SLC19A1: variants seen among roughly 807,000 people sequenced by gnomAD.
The protein encoded by SLC19A1 is solute carrier family 19 member 1.
SLC19A1 carries 37 observed loss-of-function variants against 35.3 expected under a neutral mutation model. The observed-to-expected ratio is 1.05, with a 90% confidence interval of 0.81 to 1.38. The LOEUF is 1.38. Ranked by LOEUF, SLC19A1 falls within the 40% of genes most tolerant of loss-of-function variation. The probability of loss-of-function intolerance (pLI) is 0.00; values close to 1 mark genes in which losing one functional copy is unlikely to be tolerated. For missense variants in SLC19A1, 831 were observed against 826.9 expected, an observed-to-expected ratio of 1.00 and a Z score of -0.06; for synonymous variants, 460 against 398.5, an observed-to-expected ratio of 1.15 and a Z score of -1.84.
intron 3 of SLC19A1, chr21:45,505,994 A>C (rs1459995225): frequency 6.2e-7 from 1 of 1,612,674 alleles, no homozygotes; most frequent in Non-Finnish European, 8.5e-7. Flanking sequence ...CGGGTTCTGG[A>C]CCCGTGGAAG....
chr21:45,552,993 A>G (rs922627320), intron 1 of SLC19A1, among the ~76,000 whole-genome samples: 1 of 151,948 alleles, frequency 6.6e-6, no homozygotes, highest in Non-Finnish European at 1.5e-5. Context: ...TTTACACAAG[A>G]CCTCGCGCAA....
In SLC19A1 at chr21:45,517,306, G is replaced by A. The variant is rs2038005924; in HGVS notation, c.1294-1166C>T. Among the ~76,000 whole-genome samples, 2 of 152,108 alleles carry A rather than the reference G, an allele frequency of 1.3e-5. No homozygotes were observed. Among genetic ancestry groups the A allele is most frequent in the African/African-American group, 2.4e-5 (1 of 41,390 alleles). On this transcript the variant is annotated intron_variant, in intron 5 of 5. Coordinates refer to ENST00000311124, the MANE Select transcript of SLC19A1 (RefSeq NM_194255.4). The surrounding 1 kb of genome is among the most constrained non-coding windows in gnomAD (Gnocchi z 4.4). ...GAGGAAAGACCTTTCGACAGGAATC[G>A]CCCTGCTCCCCGCAAACACCAGACC... is the stretch of plus-strand genomic sequence containing the variant.
rs917302296 is a variant in SLC19A1 at position 45,540,053 on chromosome 21, C to T, written c.-49-2045G>A. 6.6e-6 allele frequency among the ~76,000 whole-genome samples: 1 copy of T among 152,148 alleles called. No homozygotes were observed. The highest frequency in any genetic ancestry group is 2.4e-5 in the African/African-American group (1 of 41,426). On this transcript the variant is annotated intron_variant, in intron 1 of 5. Coordinates refer to ENST00000311124, the MANE Select transcript of SLC19A1 (RefSeq NM_194255.4). The surrounding 1 kb of genome is among the most constrained non-coding windows in gnomAD (Gnocchi z 5.5). ...CAGATCTGACGGTCGCCTGCCTCGG[C>T]CTCACCTTCCATGCCTCCTCAGGGC...
chr21:45,514,907 C>A lies in SLC19A1; in HGVS notation c.*751G>T. 1 of 1,246,596 alleles carries A rather than the reference C, an allele frequency of 8.0e-7. No homozygotes were observed. The allele number at this position is 1,246,596 out of a possible 1,614,324, so 77.2% of individuals were successfully genotyped here. On this transcript the variant is annotated 3_prime_UTR_variant, in exon 6 of 6. Transcript: ENST00000311124. ...AGCCTGGCACATACCAAGGCCAGCA[C>A]GTCCGCGGTGACCGGGACCAGTCCC... is the stretch of plus-strand genomic sequence containing the variant.
In SLC19A1 at chr21:45,530,779, G is replaced by C. The variant is rs2077848336; in HGVS notation, c.1142C>G (p.Pro381Arg). 5 of 1,560,550 alleles carry C rather than the reference G, an allele frequency of 3.2e-6. No homozygotes were observed. Among genetic ancestry groups the C allele is most frequent in the Non-Finnish European group, 4.3e-6 (5 of 1,152,470 alleles). The change falls in exon 4 of 6, where the codon CCC becomes CGC. Residue 381 changes from proline to arginine, a missense_variant. Physicochemically the swap from Pro to Arg is moderately radical, Grantham distance 103. Coordinates refer to ENST00000311124, the MANE Select transcript of SLC19A1 (RefSeq NM_194255.4). This position sits in a 1 kb window ranked among gnomAD's most constrained non-coding sequence, Gnocchi z 5.3. Reference sequence around the variant, plus strand: ...CCCTTCTGGAACTCACGTGGCGATGGGCACGAGGAACTGGTAGGAGCCGCG... The same window carrying C: ...CCCTTCTGGAACTCACGTGGCGATGCGCACGAGGAACTGGTAGGAGCCGCG... ...LFRGSYQFLV[P>R]IATFQIASSL...
chr21:45,525,940 A>C lies in SLC19A1; in HGVS notation c.1170T>G (p.Ser390=). 1 of 1,613,420 alleles carries C rather than the reference A, an allele frequency of 6.2e-7. No homozygotes were observed. Residue 390 remains serine, a synonymous_variant, in exon 5 of 6, where the codon TCT becomes TCG. Transcript: ENST00000311124. The part of the protein sequence containing the change: ...VPIATFQIAS[S]LSKELCALVF... ...CCAGGGCACAGAGCTCTTTAGACAG[A>C]GAAGATGCAATCTGAAAGCTGAACG...
chr21:45,512,354 A>C (rs1471988233), downstream of SLC19A1: 2 of 1,612,730 alleles, frequency 1.2e-6, no homozygotes, highest in Admixed American at 1.7e-5. Context: ...TCACGCCTAC[A>C]TCGTGCTCTG....
chr21:45,503,758 C>T (rs1255345152), intron 3 of SLC19A1, among the ~76,000 whole-genome samples: 1 of 151,572 alleles, frequency 6.6e-6, no homozygotes, highest in Non-Finnish European at 1.5e-5. Context: ...GCACATCATG[C>T]ACATGTACCC....
upstream of SLC19A1, chr21:45,542,459 CGGGCGCGCGGCTGCGGGGTGGG>C (rs946631560): frequency 2.7e-5 from 4 of 150,908 alleles, no homozygotes; most frequent in African/African-American, 9.7e-5. Flanking sequence ...GGCGGCGCGG[CGGGCGCGCGGCTGCGGGGTGGG>C]CGGGTCCGTC....
At chr21:45,511,077 CACCACACACACAT>C, downstream of SLC19A1, 1 of 1,053,186 alleles carries the variant, frequency 9.5e-7, no homozygotes. Context: ...CACCCCCACA[CACCACACACACAT>C]ACACACGGTT....
In SLC19A1 at chr21:45,534,159, AGCCTCAGG is replaced by A. The variant is rs2078029532; in HGVS notation, c.190-2019_190-2012del. 6.6e-6 allele frequency among the ~76,000 whole-genome samples: 1 copy of A among 152,156 alleles called. No individual in the cohort carries two copies. The highest frequency in any genetic ancestry group is 6.5e-5 in the Admixed American group (1 of 15,276). On this transcript the variant is annotated intron_variant, in intron 2 of 5. Coordinates refer to ENST00000311124, the MANE Select transcript of SLC19A1 (RefSeq NM_194255.4). The surrounding 1 kb of genome is among the most constrained non-coding windows in gnomAD (Gnocchi z 4.2). ...TGAGTGAGCCCGCCGGGTCACAGAG[AGCCTCAGG>A]GCCAGCCATCGGCTTCTGCACTGTG... is the stretch of plus-strand genomic sequence containing the variant.
chr21:45,530,299 G>T lies in SLC19A1; in HGVS notation c.1151+471C>A, dbSNP rs551573057. On this transcript the variant is annotated intron_variant, in intron 4 of 5. Transcript: ENST00000311124. This position sits in a 1 kb window ranked among gnomAD's most constrained non-coding sequence, Gnocchi z 5.3. ...GTGGTGTGTTTGTCCATGTGTGCAC[G>T]TGTGGTATGTGTTCATGAGTGTGTG... Among the ~76,000 whole-genome samples, 1 of 151,288 alleles carries T rather than the reference G, an allele frequency of 6.6e-6. No homozygotes were observed. The highest frequency in any genetic ancestry group is 2.4e-5 in the African/African-American group (1 of 41,012).
At chr21:45,511,666 C>T (rs890814231), downstream of SLC19A1, among the ~76,000 whole-genome samples, 4 of 152,216 alleles carry the variant, frequency 2.6e-5, no homozygotes, top group East Asian at 5.8e-4. Flanking sequence ...GTCGCTGTGC[C>T]CTCCCCACGT....
intron 3 of SLC19A1, chr21:45,505,189 C>A (rs758892989): frequency 1.2e-6 from 2 of 1,605,026 alleles, no homozygotes; most frequent in Non-Finnish European, 1.7e-6. Context: ...CCTCAGGGAC[C>A]CCCCGGCATC....
chr21:45,543,377 G>A (rs1210647525), upstream of SLC19A1, among the ~76,000 whole-genome samples: 1 of 152,224 alleles, frequency 6.6e-6, no homozygotes, highest in Non-Finnish European at 1.5e-5. Context: ...GAGGAGCCAG[G>A]AAGTCCACTG....
At chr21:45,553,677 CCCCATCCCAGTCCCCCACG>C (rs2078493545) in intron 1 of SLC19A1, among the ~76,000 whole-genome samples, 1 of 24,066 alleles carries the variant, frequency 4.2e-5, no homozygotes, top group Non-Finnish European at 7.2e-5. Flanking sequence ...GTCCCCCACA[CCCCATCCCAGTCCCCCACG>C]CCCCATCCCA....
chr21:45,543,447 C>A (rs924525226), upstream of SLC19A1, among the ~76,000 whole-genome samples: 1 of 152,204 alleles, frequency 6.6e-6, no homozygotes, highest in Non-Finnish European at 1.5e-5. Flanking sequence ...GGGTCCCAGG[C>A]GAGGGGTGAG....
rs563622167 is a variant in SLC19A1, at chr21:45,530,775, G to C, written c.1146C>G (p.Ile382Met). ...CCCACCCTTCTGGAACTCACGTGGC[G>C]ATGGGCACGAGGAACTGGTAGGAGC... ...FRGSYQFLVP[I>M]ATFQIASSLS... Residue 382 changes from isoleucine (I) to methionine (M), a missense_variant, in exon 4 of 6, where the codon ATC becomes ATG. By Grantham distance (10) the Ile-to-Met change is conservative. Coordinates refer to ENST00000311124, the MANE Select transcript of SLC19A1 (RefSeq NM_194255.4). The surrounding 1 kb of genome is among the most constrained non-coding windows in gnomAD (Gnocchi z 5.3). 1.9e-6 allele frequency: 3 copies of C among 1,558,770 alleles called. No homozygotes were observed. The highest frequency in any genetic ancestry group is 2.6e-6 in the Non-Finnish European group (3 of 1,151,526).
At chr21:45,521,893 A>G (rs2077449981) in intron 5 of SLC19A1, among the ~76,000 whole-genome samples, 2 of 152,350 alleles carry the variant, frequency 1.3e-5, no homozygotes, top group Admixed American at 6.5e-5. Flanking sequence ...TAAAAACACG[A>G]AACTTTAAAA....
Sources: allele counts gnomAD v4.1 joint callset (sites outside exome capture counted in the v4.1 genomes callset), GRCh38; gene constraint gnomAD v4.1.1; non-coding constraint Gnocchi (gnomAD v3.1); transcripts MANE v1.5; gene names NCBI Gene and HGNC (gene_info 2026-07-23, HGNC 2026-07-21).